The following EYS variants were observed in gnomAD, a reference collection of about 807,000 sequenced individuals.
EYS encodes the protein protein eyes shut homolog.
EYS carries 250 observed loss-of-function variants against 282.1 expected under a neutral mutation model. That is an observed-to-expected ratio of 0.89 (90% CI 0.80 to 0.98). The LOEUF is 0.98. Ranked by LOEUF, EYS falls within the 50% of genes least tolerant of loss-of-function variation. The pLI, the probability that EYS is intolerant of heterozygous loss-of-function variation, is 0.00. For missense variants in EYS, 4,016 were observed against 3,709.0 expected, an observed-to-expected ratio of 1.08 and a Z score of -2.15; for synonymous variants, 1,355 against 1,282.9, an observed-to-expected ratio of 1.06 and a Z score of -1.20.
intron 31 of EYS, among the ~76,000 whole-genome samples, chr6:64,083,670 G>T (rs539101319): frequency 6.6e-6 from 1 of 152,200 alleles, no homozygotes; most frequent in Non-Finnish European, 1.5e-5. Flanking sequence ...TCATGGTAGG[G>T]ATGCCAGATA....
intron 22 of EYS, among the ~76,000 whole-genome samples, chr6:64,686,638 G>A (rs1206789311): frequency 6.7e-6 from 1 of 148,862 alleles, no homozygotes; most frequent in Non-Finnish European, 1.5e-5. Flanking sequence ...CTACTCGGGA[G>A]GCTGAGGCAG....
chr6:64,332,798 T>C (rs1343688751), intron 29 of EYS, among the ~76,000 whole-genome samples: 1 of 152,170 alleles, frequency 6.6e-6, no homozygotes, highest in Non-Finnish European at 1.5e-5. Context: ...CCTAAGGAAA[T>C]CAATGATAGA....
At chr6:64,291,995 G>A (rs967224599) in intron 30 of EYS, among the ~76,000 whole-genome samples, 6 of 152,098 alleles carry the variant, frequency 3.9e-5, no homozygotes, top group South Asian at 2.1e-4. Context: ...TATATCAGTC[G>A]TATTATTACC....
rs754984757 is a variant in EYS, at chr6:63,806,209, A to G, written c.7392T>C (p.Phe2464=). 2.6e-6 allele frequency: 4 copies of G among 1,551,418 alleles called. No homozygotes were observed. Among genetic ancestry groups the G allele is most frequent in the South Asian group, 1.2e-5 (1 of 84,032 alleles). Residue 2464 remains phenylalanine, a synonymous_variant, in exon 37 of 43, where the codon TTT becomes TTC. Transcript: ENST00000503581. ...TCTTACCATGGCCTTTCTGTCCAGT[A>G]AAAAATATCAAGTTATTTTGCAGTG... is the stretch of plus-strand genomic sequence containing the variant. ...HSALQNNLIF[F]TGQKGHGLNG...
chr6:64,339,558 G>T (rs535616358), intron 29 of EYS, among the ~76,000 whole-genome samples: 1 of 152,028 alleles, frequency 6.6e-6, no homozygotes, highest in African/African-American at 2.4e-5. Flanking sequence ...AGCCACTGTG[G>T]AAAACAGTGT....
intron 26 of EYS, among the ~76,000 whole-genome samples, chr6:64,446,556 T>C (rs1345568852): frequency 7.7e-6 from 1 of 129,328 alleles, no homozygotes; most frequent in African/African-American, 3.3e-5. Flanking sequence ...GGGGCATTTT[T>C]CATTTTTTTT....
intron 26 of EYS, among the ~76,000 whole-genome samples, chr6:64,506,454 T>C (rs1777208150): frequency 3.3e-5 from 5 of 152,212 alleles, no homozygotes. Context: ...ACTTACGCTT[T>C]GGATGGGACA....
chr6:65,170,731 T>C (rs935889597), intron 12 of EYS, among the ~76,000 whole-genome samples: 3 of 151,468 alleles, frequency 2.0e-5, no homozygotes, highest in African/African-American at 7.3e-5. Context: ...CCAAATACTA[T>C]GGCATTAAGA....
At chr6:64,010,261 G>A (rs1582126066) in intron 33 of EYS, among the ~76,000 whole-genome samples, 1 of 152,266 alleles carries the variant, frequency 6.6e-6, no homozygotes, top group East Asian at 1.9e-4. Flanking sequence ...GAGTACTGGC[G>A]AGACTGGGGA....
chr6:63,849,116 G>A (rs553949748), intron 36 of EYS, among the ~76,000 whole-genome samples: 4 of 152,326 alleles, frequency 2.6e-5, no homozygotes, highest in African/African-American at 9.6e-5. Context: ...CAAAGCCACT[G>A]TAGCCAGACT....
chr6:63,788,737 G>A (rs777318857), intron 38 of EYS, among the ~76,000 whole-genome samples: 1 of 152,054 alleles, frequency 6.6e-6, no homozygotes, highest in Non-Finnish European at 1.5e-5. Flanking sequence ...TAAAAACCAT[G>A]CTGAACTACT....
intron 13 of EYS, among the ~76,000 whole-genome samples, chr6:65,036,867 TAA>T (rs1772787035): frequency 1.3e-5 from 2 of 152,018 alleles, no homozygotes; most frequent in African/African-American, 4.8e-5. Flanking sequence ...GGTGGGAATA[TAA>T]GTTAGTCCTG....
At chr6:64,597,828 C>T (rs567709977) in intron 24 of EYS, among the ~76,000 whole-genome samples, 15 of 152,086 alleles carry the variant, frequency 9.9e-5, no homozygotes, top group East Asian at 3.9e-4. Flanking sequence ...TAGACAGTCA[C>T]GTAACAAAAT....
At chr6:64,116,033 G>GA (rs1008811497) in intron 31 of EYS, among the ~76,000 whole-genome samples, 1 of 151,550 alleles carries the variant, frequency 6.6e-6, no homozygotes, top group African/African-American at 2.4e-5. Flanking sequence ...AATAATACAT[G>GA]AAAAAAATGA....
At chr6:64,791,784 CTA>C (rs1458676289) in intron 22 of EYS, among the ~76,000 whole-genome samples, 2 of 151,756 alleles carry the variant, frequency 1.3e-5, no homozygotes, top group Non-Finnish European at 3.0e-5. Flanking sequence ...AAAAATTATG[CTA>C]TGTCTCACAA....
intron 31 of EYS, among the ~76,000 whole-genome samples, chr6:64,151,311 GTATATTTATATA>G (rs1343150133): frequency 0.057 from 4,965 of 87,024 alleles, 113 homozygotes; most frequent in Non-Finnish European, 0.069. Flanking sequence ...GTGTGTGTGT[GTATATTTATATA>G]TATATATATA....
At chr6:64,602,481 C>A (rs761607072) in intron 24 of EYS, among the ~76,000 whole-genome samples, 13 of 152,018 alleles carry the variant, frequency 8.6e-5, no homozygotes, top group Non-Finnish European at 1.2e-4. Context: ...ATAAGGGCCA[C>A]ATCATGTGAA....
At chr6:65,582,152 C>A (rs959309937) in intron 2 of EYS, among the ~76,000 whole-genome samples, 5 of 151,302 alleles carry the variant, frequency 3.3e-5, no homozygotes, top group Admixed American at 1.3e-4. Context: ...ACTGAGATGG[C>A]GCCACTGCAC....
At chr6:64,983,618 C>A (rs1482635297) in intron 14 of EYS, among the ~76,000 whole-genome samples, 1 of 151,268 alleles carries the variant, frequency 6.6e-6, no homozygotes, top group Non-Finnish European at 1.5e-5. Flanking sequence ...TTAAGGATTT[C>A]TCCTACTTTT....
Sources: allele counts gnomAD v4.1 joint callset (sites outside exome capture counted in the v4.1 genomes callset), GRCh38; gene constraint gnomAD v4.1.1; transcripts MANE v1.5; gene names NCBI Gene and HGNC (gene_info 2026-07-23, HGNC 2026-07-21).